The following B3GALT1 variants were observed in gnomAD, a reference collection of about 807,000 sequenced individuals.
B3GALT1 encodes beta-1,3-galactosyltransferase 1, also known as UDP-Gal:betaGlcNAc beta 1,3-galactosyltransferase, polypeptide 1.
In B3GALT1, 10 loss-of-function variants were observed where a neutral mutation model predicts 23.2. That is an observed-to-expected ratio of 0.43 (90% CI 0.27 to 0.73). The LOEUF is 0.73. Ranked by LOEUF, B3GALT1 falls within the 30% of genes least tolerant of loss-of-function variation. B3GALT1 has a pLI of 0.21. For synonymous variants in B3GALT1, 156 were observed against 141.5 expected (o/e 1.10, Z -0.73); for missense variants, 299 against 405.4 (o/e 0.74, Z 2.25).
At chr2:167,711,657 A>C (rs996460964) in intron 3 of B3GALT1, among the ~76,000 whole-genome samples, 2 of 152,204 alleles carry the variant, frequency 1.3e-5, no homozygotes, top group Non-Finnish European at 2.9e-5. Flanking sequence ...AAGTCTTGTA[A>C]ATAAAAATAA....
At chr2:167,714,477 C>T (rs1029978434) in intron 3 of B3GALT1, 1 of 1,602,040 alleles carries the variant, frequency 6.2e-7, no homozygotes, top group Non-Finnish European at 8.6e-7. Context: ...GCTCTCGTTT[C>T]AGATGAAGGC....
At chr2:167,480,367 C>T (rs1206009390) in intron 1 of B3GALT1, among the ~76,000 whole-genome samples, 1 of 152,178 alleles carries the variant, frequency 6.6e-6, no homozygotes, top group African/African-American at 2.4e-5. Context: ...ATGAGCGAAG[C>T]CAGCAGCCTG....
At chr2:167,419,835 G>A (rs1267134729) in intron 1 of B3GALT1, among the ~76,000 whole-genome samples, 4 of 152,198 alleles carry the variant, frequency 2.6e-5, no homozygotes, top group Non-Finnish European at 4.4e-5. Context: ...AAACCAGTGA[G>A]TCTCATAATA....
intron 3 of B3GALT1, among the ~76,000 whole-genome samples, chr2:167,746,112 A>G (rs1007029009): frequency 3.9e-5 from 6 of 152,166 alleles, no homozygotes; most frequent in African/African-American, 1.4e-4. Context: ...TTCAAAGGTA[A>G]AGGAGACAAA....
At chr2:167,492,048 C>T (rs940368494) in intron 2 of B3GALT1, among the ~76,000 whole-genome samples, 5 of 152,174 alleles carry the variant, frequency 3.3e-5, no homozygotes, top group East Asian at 1.9e-4. Context: ...TGGGTTTTGA[C>T]GCACATATAA....
chr2:167,635,402 G>A (rs2105450788), intron 2 of B3GALT1, among the ~76,000 whole-genome samples: 1 of 152,062 alleles, frequency 6.6e-6, no homozygotes, highest in South Asian at 2.1e-4. Context: ...AAGAAAGGAA[G>A]TCAAATTGTC....
At chr2:167,451,240 G>C (rs987131102) in intron 1 of B3GALT1, among the ~76,000 whole-genome samples, 2 of 152,086 alleles carry the variant, frequency 1.3e-5, no homozygotes, top group East Asian at 3.9e-4. Context: ...TGGTGAGCTA[G>C]TGTGATTTTG....
intron 3 of B3GALT1, among the ~76,000 whole-genome samples, chr2:167,800,994 A>T (rs1310067457): frequency 6.6e-6 from 1 of 152,234 alleles, no homozygotes; most frequent in Non-Finnish European, 1.5e-5. Flanking sequence ...GAATATATCC[A>T]TTGAGGGTTG....
intron 2 of B3GALT1, among the ~76,000 whole-genome samples, chr2:167,646,474 C>A (rs546185207): frequency 6.6e-6 from 1 of 152,330 alleles, no homozygotes; most frequent in East Asian, 1.9e-4. Flanking sequence ...TTGTCCAACT[C>A]ACCAATGTAG....
intron 1 of B3GALT1, among the ~76,000 whole-genome samples, chr2:167,396,023 A>G (rs1188534542): frequency 6.6e-6 from 1 of 152,074 alleles, no homozygotes; most frequent in Non-Finnish European, 1.5e-5. Context: ...AGAGAATTTT[A>G]AAATAGACCT....
At chr2:167,582,234 A>G (rs1464408924) in intron 2 of B3GALT1, among the ~76,000 whole-genome samples, 5 of 152,126 alleles carry the variant, frequency 3.3e-5, no homozygotes, top group Non-Finnish European at 4.4e-5. Flanking sequence ...TGGGAATTTT[A>G]TTCTCTTCAA....
chr2:167,629,633 C>A (rs1192777396), intron 2 of B3GALT1, among the ~76,000 whole-genome samples: 1 of 151,626 alleles, frequency 6.6e-6, no homozygotes, highest in East Asian at 1.9e-4. Context: ...TAACTCACTC[C>A]TTTTTTAAAC....
intron 1 of B3GALT1, among the ~76,000 whole-genome samples, chr2:167,427,276 G>A (rs1254292790): frequency 6.6e-6 from 1 of 152,128 alleles, no homozygotes; most frequent in Non-Finnish European, 1.5e-5. Context: ...TATACATAGG[G>A]TGAGGAGAGC....
At chr2:167,355,935 T>C (rs1423037213) in intron 1 of B3GALT1, among the ~76,000 whole-genome samples, 1 of 152,218 alleles carries the variant, frequency 6.6e-6, no homozygotes, top group Non-Finnish European at 1.5e-5. Context: ...GAGAGTATTT[T>C]GTTTCAATAT....
At chr2:167,411,676 T>C (rs1311535487) in intron 1 of B3GALT1, among the ~76,000 whole-genome samples, 1 of 152,076 alleles carries the variant, frequency 6.6e-6, no homozygotes, top group Non-Finnish European at 1.5e-5. Flanking sequence ...AAGTTAAAAA[T>C]AGAACTACCA....
At chr2:167,438,839 T>C (rs1246811246) in intron 1 of B3GALT1, among the ~76,000 whole-genome samples, 1 of 152,206 alleles carries the variant, frequency 6.6e-6, no homozygotes, top group East Asian at 1.9e-4. Context: ...ATTGGCAGTC[T>C]AGTGGATTGA....
chr2:167,539,208 T>G (rs1031412683), intron 2 of B3GALT1, among the ~76,000 whole-genome samples: 1 of 152,074 alleles, frequency 6.6e-6, no homozygotes, highest in African/African-American at 2.4e-5. Flanking sequence ...TAAACAGGAT[T>G]AGAATTCTCA....
intron 1 of B3GALT1, among the ~76,000 whole-genome samples, chr2:167,405,046 T>G (rs1698251958): frequency 6.6e-6 from 1 of 152,226 alleles, no homozygotes. Context: ...ACATTTGTTT[T>G]CGCTTCTCAG....
In B3GALT1 at chr2:167,465,718, G is replaced by C. The variant is rs77224362; in HGVS notation, c.-510-24459G>C. Among the ~76,000 whole-genome samples, 113 of 151,970 alleles carry C rather than the reference G, an allele frequency of 7.4e-4. 1 individual carries two copies. The East Asian group carries it at 0.018, about 24-fold the overall frequency. Reference sequence around the variant, plus strand: ...TATATATTTAAATGTATTTCAAAAAGAACGCCAAGAAGCAAATATACGTTA... The same window carrying C: ...TATATATTTAAATGTATTTCAAAAACAACGCCAAGAAGCAAATATACGTTA... On this transcript the variant is annotated intron_variant, in intron 1 of 4. Transcript: ENST00000392690.
Sources: gnomAD v4.1 joint callset for allele counts (sites outside exome capture counted in the v4.1 genomes callset) on GRCh38, gnomAD v4.1.1 for gene constraint, MANE v1.5 for transcripts, NCBI Gene and HGNC (gene_info 2026-07-23, HGNC 2026-07-21) for gene names.